The following ATRNL1 variants were observed in gnomAD, a reference collection of about 807,000 sequenced individuals.
ATRNL1 encodes the protein attractin like 1.
In ATRNL1, 95 loss-of-function variants were observed where a neutral mutation model predicts 182.7. The observed-to-expected ratio is 0.52, with a 90% CI of 0.44 to 0.62. The LOEUF (loss-of-function observed/expected upper bound fraction) is 0.62. Among genes scored for constraint, ATRNL1 ranks in the 20% least tolerant of loss-of-function variants. The probability of loss-of-function intolerance (pLI) is 0.00; values close to 1 mark genes in which losing one functional copy is unlikely to be tolerated. For synonymous variants in ATRNL1, 576 were observed against 568.3 expected, an observed-to-expected ratio of 1.01 and a Z score of -0.19; for missense variants, 1,471 against 1,679.5, an observed-to-expected ratio of 0.88 and a Z score of 2.17.
At chr10:115,606,571 C>G (rs947862501) in intron 26 of ATRNL1, among the ~76,000 whole-genome samples, 1 of 151,958 alleles carries the variant, frequency 6.6e-6, no homozygotes, top group Non-Finnish European at 1.5e-5. Flanking sequence ...TGTAGCATTT[C>G]AATCTTTTCT....
chr10:115,714,436 C>T (rs1359063416), intron 26 of ATRNL1, among the ~76,000 whole-genome samples: 6 of 152,150 alleles, frequency 3.9e-5, no homozygotes, highest in South Asian at 2.1e-4. Context: ...ACGTTCCTCC[C>T]GCTGCAAACA....
intron 10 of ATRNL1, among the ~76,000 whole-genome samples, chr10:115,254,560 C>G (rs1274242526): frequency 6.6e-6 from 1 of 151,990 alleles, no homozygotes; most frequent in East Asian, 1.9e-4. Flanking sequence ...GGGTAGATTG[C>G]AAAAATTTTC....
At chr10:115,314,753 T>A (rs1856357) in intron 17 of ATRNL1, among the ~76,000 whole-genome samples, 147,188 of 152,318 alleles carry the variant, frequency 0.97, 71,139 homozygotes, top group East Asian at 1. Flanking sequence ...TTTGGCAAAC[T>A]TCACCATATT....
chr10:115,329,227 G>C (rs1470580605), intron 18 of ATRNL1, among the ~76,000 whole-genome samples: 1 of 151,580 alleles, frequency 6.6e-6, no homozygotes, highest in Non-Finnish European at 1.5e-5. Flanking sequence ...TTTTCTTCTA[G>C]TTTTATTTCA....
intron 26 of ATRNL1, among the ~76,000 whole-genome samples, chr10:115,723,024 C>G (rs910499900): frequency 6.6e-6 from 1 of 152,172 alleles, no homozygotes; most frequent in Non-Finnish European, 1.5e-5. Flanking sequence ...ATTTTATTCA[C>G]TCATTCATTG....
chr10:115,166,310 T>G (rs1430136562), intron 7 of ATRNL1, among the ~76,000 whole-genome samples: 7 of 152,156 alleles, frequency 4.6e-5, no homozygotes, highest in African/African-American at 1.7e-4. Flanking sequence ...CATCTGTTGA[T>G]GGACACTTAG....
chr10:115,703,704 T>G (rs1330442481), intron 26 of ATRNL1, among the ~76,000 whole-genome samples: 1 of 151,758 alleles, frequency 6.6e-6, no homozygotes, highest in African/African-American at 2.4e-5. Context: ...TATAATCTTT[T>G]GTATATTTAA....
At chr10:115,139,266 C>T (rs782587002) in intron 5 of ATRNL1, among the ~76,000 whole-genome samples, 3 of 152,212 alleles carry the variant, frequency 2.0e-5, no homozygotes, top group Non-Finnish European at 2.9e-5. Context: ...CTGCCTGTTA[C>T]GCAGTTCCAA....
At position 115,467,203 on chromosome 10, in the gene ATRNL1, T is replaced by C. The variant is rs17093114; in HGVS notation, c.3447T>C (p.Asn1149=). ...ACAAAAATCTGGATATATCAATTAA[T>C]GCATCAAACAACTTTAATCTCAACA... ...QSNKNLDISI[N]ASNNFNLNIT... is the part of the protein sequence containing the mutation. The change falls in exon 23 of 29, where the codon AAT becomes AAC. Residue 1149 remains asparagine (N), a synonymous_variant. Transcript: ENST00000355044. The C allele has an allele frequency of 0.032, 51,641 of 1,604,520 alleles. 1,906 individuals are homozygous for C. Among genetic ancestry groups the C allele is most frequent in the Admixed American group, 0.16 (9,305 of 58,990 alleles).
intron 27 of ATRNL1, among the ~76,000 whole-genome samples, chr10:115,743,307 C>G (rs1275199082): frequency 6.6e-6 from 1 of 150,754 alleles, no homozygotes; most frequent in African/African-American, 2.4e-5. Context: ...CTGATACTAC[C>G]ATTCCTATCC....
At chr10:115,206,053 T>C (rs1008913978) in intron 8 of ATRNL1, among the ~76,000 whole-genome samples, 3 of 152,130 alleles carry the variant, frequency 2.0e-5, no homozygotes, top group Non-Finnish European at 4.4e-5. Context: ...AGAACGTCTT[T>C]ATTTCACACT....
intron 15 of ATRNL1, among the ~76,000 whole-genome samples, chr10:115,290,323 A>G (rs1434486124): frequency 6.6e-6 from 1 of 152,064 alleles, no homozygotes; most frequent in Admixed American, 6.6e-5. Flanking sequence ...GCCTCACACC[A>G]AGGAAATCAA....
intron 26 of ATRNL1, among the ~76,000 whole-genome samples, chr10:115,673,241 T>G (rs142471914): frequency 1.6e-4 from 25 of 152,240 alleles, no homozygotes; most frequent in Admixed American, 5.2e-4. Context: ...TGGCTCTCCT[T>G]TAAGAGAAGT....
chr10:115,332,331 G>C (rs1855264827), intron 18 of ATRNL1, among the ~76,000 whole-genome samples: 1 of 152,058 alleles, frequency 6.6e-6, no homozygotes, highest in Non-Finnish European at 1.5e-5. Context: ...TGTGCATTCA[G>C]GTTTTTTTTA....
chr10:115,349,835 T>C (rs781894171), intron 19 of ATRNL1, among the ~76,000 whole-genome samples: 1 of 152,196 alleles, frequency 6.6e-6, no homozygotes, highest in Non-Finnish European at 1.5e-5. Flanking sequence ...TTTGAGCTCC[T>C]TATGTGTTCT....
chr10:115,620,919 C>G (rs1018800258), intron 26 of ATRNL1, among the ~76,000 whole-genome samples: 1 of 152,032 alleles, frequency 6.6e-6, no homozygotes, highest in African/African-American at 2.4e-5. Flanking sequence ...AAGCAGTTTT[C>G]ATAGAAATTT....
At position 115,290,883 on chromosome 10, in the gene ATRNL1, C is replaced by A. The variant is rs1166882918; in HGVS notation, c.2415+4486C>A. 2.6e-5 allele frequency among the ~76,000 whole-genome samples: 4 copies of A among 152,144 alleles called. No homozygotes were observed. In the East Asian group the frequency reaches 7.7e-4, roughly 29 times the overall value. On this transcript the variant is annotated intron_variant, in intron 15 of 28. Coordinates refer to ENST00000355044, the MANE Select transcript of ATRNL1 (RefSeq NM_207303.4). ...ATAGTGAAGAAGCTGGCTGCCCTAC[C>A]TTAATCTTTTATTATGTAGATGGGT...
intron 26 of ATRNL1, among the ~76,000 whole-genome samples, chr10:115,609,123 G>A (rs569839430): frequency 1.3e-3 from 200 of 152,102 alleles, no homozygotes; most frequent in Non-Finnish European, 2.5e-3. Flanking sequence ...ACTAATTCAC[G>A]TGAGTTATGG....
chr10:115,270,581 C>T (rs1169258630), intron 13 of ATRNL1, among the ~76,000 whole-genome samples: 1 of 151,670 alleles, frequency 6.6e-6, no homozygotes, highest in Non-Finnish European at 1.5e-5. Context: ...TTCTACTCTA[C>T]GTATGGAGGC....
Sources: allele counts gnomAD v4.1 joint callset (sites outside exome capture counted in the v4.1 genomes callset), GRCh38; gene constraint gnomAD v4.1.1; transcripts MANE v1.5; gene names NCBI Gene and HGNC (gene_info 2026-07-23, HGNC 2026-07-21).